The following PTPRN2 variants were observed in gnomAD, a reference collection of about 807,000 sequenced individuals.
The protein encoded by PTPRN2 is protein tyrosine phosphatase receptor type N2.
Under a neutral mutation model 118.8 loss-of-function variants are expected in PTPRN2, and 74 were observed. That is an observed-to-expected ratio of 0.62 (90% CI 0.52 to 0.76). The LOEUF is 0.76. Ranked by LOEUF, PTPRN2 falls within the 30% of genes least tolerant of loss-of-function variation. The pLI is 0.00. For missense variants in PTPRN2, 1,481 were observed against 1,394.4 expected (o/e 1.06, Z -0.99); for synonymous variants, 641 against 608.0 (o/e 1.05, Z -0.80).
chr7:158,277,049 A>G (rs983253120), intron 3 of PTPRN2, among the ~76,000 whole-genome samples: 3 of 152,182 alleles, frequency 2.0e-5, no homozygotes, highest in African/African-American at 7.2e-5. Flanking sequence ...CACGGGCAAG[A>G]GTGGCTGATC....
intron 6 of PTPRN2, among the ~76,000 whole-genome samples, chr7:158,150,951 G>A (rs1418786678): frequency 6.6e-6 from 1 of 151,744 alleles, no homozygotes; most frequent in East Asian, 1.9e-4. Flanking sequence ...ATATTATTCT[G>A]TGCATCCCAC....
intron 11 of PTPRN2, 78 bp from the exon 12 acceptor site, chr7:157,898,815 C>T: frequency 9.8e-6 from 13 of 1,321,764 alleles, no homozygotes; most frequent in Non-Finnish European, 1.3e-5. Context: ...GTATTTTCCT[C>T]CATTGAAAAT....
At chr7:157,749,377 C>T (rs1801288073) in intron 12 of PTPRN2, among the ~76,000 whole-genome samples, 2 of 142,076 alleles carry the variant, frequency 1.4e-5, no homozygotes, top group Admixed American at 7.0e-5. Flanking sequence ...ATTCTGTGGC[C>T]TGTGTCCCTG....
chr7:158,489,669 G>A (rs1821295338), intron 2 of PTPRN2, 66 bp downstream of exon 2: 2 of 1,486,058 alleles, frequency 1.3e-6, no homozygotes, highest in South Asian at 1.2e-5. Flanking sequence ...TCACCAGGCT[G>A]GGCGCTGCGC....
At chr7:158,548,385 C>T (rs1261497494) in intron 1 of PTPRN2, among the ~76,000 whole-genome samples, 2 of 152,134 alleles carry the variant, frequency 1.3e-5, no homozygotes, top group Non-Finnish European at 2.9e-5. Flanking sequence ...TCTTTCAAGG[C>T]ATTGGTCAAA....
chr7:158,473,507 G>A (rs998694731), intron 2 of PTPRN2, among the ~76,000 whole-genome samples: 5 of 152,178 alleles, frequency 3.3e-5, no homozygotes, highest in South Asian at 2.1e-4. Flanking sequence ...TCCAAGTGCC[G>A]GCTCGCCTCT....
chr7:158,528,103 T>G (rs989925363), intron 1 of PTPRN2, among the ~76,000 whole-genome samples: 1 of 152,198 alleles, frequency 6.6e-6, no homozygotes, highest in Non-Finnish European at 1.5e-5. Context: ...ATGGAGGAAG[T>G]TGGTGTGTAC....
chr7:158,181,456 ATTAG>A (rs1400575764), intron 5 of PTPRN2, among the ~76,000 whole-genome samples: 2 of 152,140 alleles, frequency 1.3e-5, no homozygotes, highest in Non-Finnish European at 1.5e-5. Flanking sequence ...GCTTCATAGA[ATTAG>A]TTAGGGAGGA....
chr7:158,342,000 A>G (rs77956540), intron 2 of PTPRN2, among the ~76,000 whole-genome samples: 4 of 140,172 alleles, frequency 2.9e-5, no homozygotes, highest in African/African-American at 8.1e-5. Context: ...AAGAGGTGAC[A>G]CCTGCAGACG....
In PTPRN2 at chr7:158,110,875, C is replaced by G; in HGVS notation, c.1597G>C (p.Val533Leu). 1 of 1,586,508 alleles carries G rather than the reference C, an allele frequency of 6.3e-7. No individual in the cohort carries two copies. The highest frequency in any genetic ancestry group is 8.6e-7 in the Non-Finnish European group (1 of 1,166,486). ...CTGGGCACCTGCAGGAGGCGGGCGACGTCCTCCACCAGCCGCCTTCCTTCC... is the reference window on the plus strand; with the variant it reads ...CTGGGCACCTGCAGGAGGCGGGCGAGGTCCTCCACCAGCCGCCTTCCTTCC... The part of the protein sequence containing the change: ...PEEGRRLVED[V>L]ARLLQVPSSA... Residue 533 changes from valine to leucine, a missense_variant, in exon 10 of 23, where the codon GTC becomes CTC. Val to Leu is a conservative substitution (Grantham distance 32). Coordinates refer to ENST00000389418, the MANE Select transcript of PTPRN2 (RefSeq NM_002847.5).
At chr7:157,826,241 C>T (rs868590670) in intron 12 of PTPRN2, among the ~76,000 whole-genome samples, 31 of 135,248 alleles carry the variant, frequency 2.3e-4, no homozygotes, top group South Asian at 2.6e-4. Flanking sequence ...GCCATTTCCA[C>T]GCGTGCTGTG....
intron 12 of PTPRN2, among the ~76,000 whole-genome samples, chr7:157,701,656 C>T (rs1473063935): frequency 6.6e-6 from 1 of 152,234 alleles, no homozygotes; most frequent in Non-Finnish European, 1.5e-5. Flanking sequence ...AGACTTTATC[C>T]TACACTCTGA....
intron 3 of PTPRN2, among the ~76,000 whole-genome samples, chr7:158,311,898 C>A (rs1801782823): frequency 6.6e-6 from 1 of 150,966 alleles, no homozygotes; most frequent in Non-Finnish European, 1.5e-5. Context: ...CGTGTAGACA[C>A]CCACACACGC....
chr7:157,968,468 G>A (rs1802094369), intron 11 of PTPRN2, among the ~76,000 whole-genome samples: 1 of 152,106 alleles, frequency 6.6e-6, no homozygotes, highest in Non-Finnish European at 1.5e-5. Flanking sequence ...GAAAACTTTC[G>A]GTTTTCAAGA....
chr7:158,242,937 G>C (rs940364378), intron 3 of PTPRN2, among the ~76,000 whole-genome samples: 1 of 152,138 alleles, frequency 6.6e-6, no homozygotes, highest in African/African-American at 2.4e-5. Flanking sequence ...CTGAAGATCT[G>C]TCCATTTTGT....
chr7:157,924,410 C>G (rs76256713), intron 11 of PTPRN2, among the ~76,000 whole-genome samples: 1,988 of 152,308 alleles, frequency 0.013, 51 homozygotes, highest in African/African-American at 0.046. Context: ...AGCCCTGTTG[C>G]CAGAGCTCAG....
intron 9 of PTPRN2, among the ~76,000 whole-genome samples, chr7:158,121,927 G>A (rs1817207645): frequency 6.6e-6 from 1 of 152,172 alleles, no homozygotes; most frequent in Non-Finnish European, 1.5e-5. Flanking sequence ...AGGGCTGACT[G>A]TGCTCACAAT....
intron 1 of PTPRN2, among the ~76,000 whole-genome samples, chr7:158,495,155 G>C (rs111944115): frequency 0.047 from 7,096 of 152,268 alleles, 281 homozygotes; most frequent in South Asian, 0.097. Flanking sequence ...TTCAATGCCA[G>C]AGCCCATCCC....
At chr7:158,284,385 A>C (rs765463887) in intron 3 of PTPRN2, among the ~76,000 whole-genome samples, 8 of 152,206 alleles carry the variant, frequency 5.3e-5, no homozygotes, top group Non-Finnish European at 1.2e-4. Flanking sequence ...GAGTCAGTGT[A>C]CATGAATGCA....
Sources: gnomAD v4.1 joint callset for allele counts (sites outside exome capture counted in the v4.1 genomes callset) on GRCh38, gnomAD v4.1.1 for gene constraint, MANE v1.5 for transcripts, NCBI Gene and HGNC (gene_info 2026-07-23, HGNC 2026-07-21) for gene names.